The following TRIM29 variants were observed in gnomAD, a reference collection of about 807,000 sequenced individuals.
TRIM29 encodes the protein tripartite motif-containing protein 29.
In TRIM29, 52 loss-of-function variants were observed where a neutral mutation model predicts 57.3. The observed-to-expected ratio is 0.91, with a 90% CI of 0.73 to 1.14. TRIM29 has a LOEUF of 1.14. Among genes scored for constraint, TRIM29 ranks in the 50% most tolerant of loss-of-function variants. The pLI is 0.00. For synonymous variants in TRIM29, 319 were observed against 316.9 expected, an observed-to-expected ratio of 1.01 and a Z score of -0.07; for missense variants, 753 against 774.6, an observed-to-expected ratio of 0.97 and a Z score of 0.33.
chr11:120,122,856 C>G, intron 5 of TRIM29, 98 bp downstream of exon 5: 7 of 918,998 alleles, frequency 7.6e-6, no homozygotes, highest in Non-Finnish European at 1.2e-5. Flanking sequence ...CCATCACCCC[C>G]ACTCAGAAGG....
At chr11:120,120,077 C>T (rs1182318297) in intron 6 of TRIM29, among the ~76,000 whole-genome samples, 2 of 152,098 alleles carry the variant, frequency 1.3e-5, no homozygotes, top group East Asian at 3.9e-4. Flanking sequence ...TTTCCAGTCA[C>T]AGCCAAGTTG....
intron 7 of TRIM29, 103 bp downstream of exon 7, chr11:120,118,120 G>C: frequency 9.4e-7 from 1 of 1,058,702 alleles, no homozygotes; most frequent in East Asian, 2.6e-5. Context: ...TCTCCTCCAC[G>C]AGGTGAGGGA....
chr11:120,112,362 A>C lies in TRIM29; in HGVS notation c.*52T>G. 5 of 1,603,110 alleles carry C rather than the reference A, an allele frequency of 3.1e-6. No homozygotes were observed. Among genetic ancestry groups the C allele is most frequent in the Non-Finnish European group, 4.3e-6 (5 of 1,170,658 alleles). On this transcript the variant is annotated 3_prime_UTR_variant, in exon 9 of 9. Coordinates refer to ENST00000341846, the MANE Select transcript of TRIM29 (RefSeq NM_012101.4). ...CAGTAGCTTAGAAGGCAAGAGCAGC[A>C]GGGTCAGGAGGAAGAGCAGGGGTGT...
intron 6 of TRIM29, chr11:120,119,002 G>A (rs1854848005): frequency 6.6e-6 from 1 of 152,338 alleles, no homozygotes; most frequent in African/African-American, 2.4e-5. Flanking sequence ...CACAGAGCCT[G>A]GTTCCTGGAA....
At position 120,127,405 on chromosome 11, in the gene TRIM29, C is replaced by T; in HGVS notation, c.1065G>A (p.Lys355=). Residue 355 remains lysine, a synonymous_variant, in exon 3 of 9, where the codon AAG becomes AAA. Transcript: ENST00000341846. ...GGGTCTGCTTGTCCTCATGCAGCAC[C>T]TTGGCTCTCTCATCCAGAGCATCCA... is the stretch of plus-strand genomic sequence containing the variant. ...VIMDALDERA[K]VLHEDKQTRE... 1 of 1,614,192 alleles carries T rather than the reference C, an allele frequency of 6.2e-7. No homozygotes were observed. The highest frequency in any genetic ancestry group is 1.1e-5 in the South Asian group (1 of 91,088).
chr11:120,115,328 C>G lies in TRIM29; in HGVS notation c.1704+10G>C. Reference sequence around the variant, plus strand: ...ATGTGCCCAGGCCCTCCCGGCAGCACTTCCCTTACCAGCATAGTCTGCTTG... The same window carrying G: ...ATGTGCCCAGGCCCTCCCGGCAGCAGTTCCCTTACCAGCATAGTCTGCTTG... On this transcript the variant is annotated intron_variant, in intron 8 of 8. Coordinates refer to ENST00000341846, the MANE Select transcript of TRIM29 (RefSeq NM_012101.4). The G allele has an allele frequency of 2.5e-6, 4 of 1,612,690 alleles. No homozygotes were observed. Among genetic ancestry groups the G allele is most frequent in the Non-Finnish European group, 3.4e-6 (4 of 1,179,552 alleles).
At chr11:120,112,921 T>C (rs1195904116) in intron 8 of TRIM29, among the ~76,000 whole-genome samples, 1 of 152,156 alleles carries the variant, frequency 6.6e-6, no homozygotes, top group Non-Finnish European at 1.5e-5. Context: ...ATTCAATTTA[T>C]AGTTGAGCAA....
intron 6 of TRIM29, among the ~76,000 whole-genome samples, chr11:120,119,362 T>TTGGG (rs1291016748): frequency 6.6e-6 from 1 of 151,940 alleles, no homozygotes; most frequent in East Asian, 2.0e-4. Flanking sequence ...GGGCTGACTT[T>TTGGG]TGGGCTCAGG....
chr11:120,113,944 C>T (rs917949623), intron 8 of TRIM29, among the ~76,000 whole-genome samples: 5 of 152,142 alleles, frequency 3.3e-5, no homozygotes, highest in Non-Finnish European at 7.4e-5. Context: ...CCCTCCCTGG[C>T]TTGAGGTCAC....
chr11:120,115,277 G>T, intron 8 of TRIM29, 61 bp downstream of exon 8: 1 of 1,539,592 alleles, frequency 6.5e-7, no homozygotes, highest in Non-Finnish European at 8.9e-7. Flanking sequence ...CCTCCAGGGA[G>T]CCCCCTTCAG....
Position 120,137,723 on chromosome 11 carries a change from CCTCT to C in TRIM29, c.305_308del (p.Lys102SerfsTer156). On this transcript the variant is annotated frameshift_variant, in exon 1 of 9. Transcript: ENST00000341846. LOFTEE classifies it high-confidence loss of function. This position sits in a 1 kb window ranked among gnomAD's most constrained non-coding sequence, Gnocchi z 6.2. ...CCAGCTGGAGCCCTGCGTACGGCGA[CCTCT>C]TGCCTTCCATAGAGTCCATGCTGAA... 6.2e-7 allele frequency: 1 copy of C among 1,612,708 alleles called. No homozygotes were observed. The highest frequency in any genetic ancestry group is 1.1e-5 in the South Asian group (1 of 91,068).
At position 120,137,657 on chromosome 11, in the gene TRIM29, G is replaced by C; in HGVS notation, c.375C>G (p.Gly125=). Residue 125 remains glycine, a synonymous_variant, in exon 1 of 9, where the codon GGC becomes GGG. Coordinates refer to ENST00000341846, the MANE Select transcript of TRIM29 (RefSeq NM_012101.4). The surrounding 1 kb of genome is among the most constrained non-coding windows in gnomAD (Gnocchi z 6.2). ...CCGAGAAAATGGACTTGCGCAGCTC[G>C]CCCTTTTCGGCAAAGGTAACGGGTG... ...KKPPVTFAEK[G]ELRKSIFSES... 6.2e-7 allele frequency: 1 copy of C among 1,613,598 alleles called. No individual in the cohort carries two copies. Among genetic ancestry groups the C allele is most frequent in the Non-Finnish European group, 8.5e-7 (1 of 1,180,008 alleles).
chr11:120,137,857 C>T lies in TRIM29; in HGVS notation c.175G>A (p.Ala59Thr). 9 of 1,611,954 alleles carry T rather than the reference C, an allele frequency of 5.6e-6. No homozygotes were observed. The highest frequency in any genetic ancestry group is 1.3e-5 in the African/African-American group (1 of 75,074). The change falls in exon 1 of 9, where the codon GCC (alanine) becomes ACC (threonine). Residue 59 changes from alanine to threonine, a missense_variant. Ala to Thr is a moderately conservative substitution (Grantham distance 58). Coordinates refer to ENST00000341846, the MANE Select transcript of TRIM29 (RefSeq NM_012101.4). This position sits in a 1 kb window ranked among gnomAD's most constrained non-coding sequence, Gnocchi z 6.2. ...CTCCTACCTTCCCCTGGCTTCAGGG[C>T]GCTGCCCAGGCTCTTGCCCTCAGCT... ...EAAEGKSLGSALKPGEGRSAL... is the reference protein window; with the variant it reads ...EAAEGKSLGSTLKPGEGRSAL...
chr11:120,115,475 C>T, intron 7 of TRIM29, 61 bp from the exon 8 acceptor site: 2 of 1,428,144 alleles, frequency 1.4e-6, no homozygotes, highest in Admixed American at 1.9e-5. Flanking sequence ...GTGCCCGGGC[C>T]CAGAGCAGCA....
Position 120,125,669 on chromosome 11 carries a change from C to T in TRIM29, c.1333+22G>A, listed in dbSNP as rs372836730. The T allele has an allele frequency of 2.5e-6, 4 of 1,613,620 alleles. No individual in the cohort carries two copies. In the South Asian group the frequency reaches 3.3e-5, roughly 13 times the overall value. On this transcript the variant is annotated intron_variant, in intron 4 of 8. Transcript: ENST00000341846. ...AGAGAAAGGTCTATGGCCTTGGGGC[C>T]CAGCCACGAGAGGGGACCTACCGTT...
At position 120,137,948 on chromosome 11, in the gene TRIM29, G is replaced by T. The variant is rs1248835941; in HGVS notation, c.84C>A (p.Ser28Arg). 1.2e-6 allele frequency: 2 copies of T among 1,607,904 alleles called. No homozygotes were observed. The highest frequency in any genetic ancestry group is 1.7e-6 in the Non-Finnish European group (2 of 1,179,986). ...DARSPSGPSG[S>R]LENGTKADGK... ...CGTCAGCCTTGGTGCCATTCTCCAG[G>T]CTGCCACTGGGGCCCGACGGGCTCC... Residue 28 changes from serine to arginine, a missense_variant, in exon 1 of 9, where the codon AGC becomes AGA. Coordinates refer to ENST00000341846, the MANE Select transcript of TRIM29 (RefSeq NM_012101.4). The surrounding 1 kb of genome is among the most constrained non-coding windows in gnomAD (Gnocchi z 6.2).
At chr11:120,134,003 C>T (rs193017130) in intron 1 of TRIM29, among the ~76,000 whole-genome samples, 2 of 152,104 alleles carry the variant, frequency 1.3e-5, no homozygotes, top group Admixed American at 1.3e-4. Context: ...TCCTGGCCTG[C>T]TGAAGCTTGA....
In TRIM29 at chr11:120,137,595, C is replaced by G; in HGVS notation, c.437G>C (p.Gly146Ala). The G allele has an allele frequency of 1.9e-6, 3 of 1,613,368 alleles. No homozygotes were observed. Among genetic ancestry groups the G allele is most frequent in the Non-Finnish European group, 2.5e-6 (3 of 1,180,012 alleles). ...RKPTVSIMEPGETRRNSYPRA... is the reference protein window; with the variant it reads ...RKPTVSIMEPAETRRNSYPRA... ...GGGGTAGCTGTTCCGCCGGGTCTCC[C>G]CGGGCTCCATGATGGACACCGTGGG... The change falls in exon 1 of 9, where the codon GGG (glycine) becomes GCG (alanine). Residue 146 changes from glycine (G) to alanine (A), a missense_variant. Gly to Ala is a moderately conservative substitution (Grantham distance 60, BLOSUM62 0). Transcript: ENST00000341846. This position sits in a 1 kb window ranked among gnomAD's most constrained non-coding sequence, Gnocchi z 6.2.
chr11:120,117,762 T>G (rs947037095), intron 7 of TRIM29: 8 of 190,652 alleles, frequency 4.2e-5, no homozygotes, highest in African/African-American at 1.9e-4. Context: ...TTGGGGGGAC[T>G]TAGGGTCGTC....
Sources: gnomAD v4.1 joint callset for allele counts (sites outside exome capture counted in the v4.1 genomes callset) on GRCh38, gnomAD v4.1.1 for gene constraint, Gnocchi (gnomAD v3.1) non-coding constraint, MANE v1.5 for transcripts, NCBI Gene and HGNC (gene_info 2026-07-23, HGNC 2026-07-21) for gene names.